The following ANKRD55 variants were observed in gnomAD, a reference collection of about 807,000 sequenced individuals.
ANKRD55 encodes the protein ankyrin repeat domain-containing protein 55.
A neutral mutation model predicts 60.6 loss-of-function variants in ANKRD55; 41 were observed. The ratio of observed to expected loss-of-function variants is 0.68; its 90% CI spans 0.53 to 0.88. The LOEUF (loss-of-function observed/expected upper bound fraction) is 0.88, where lower values mean the gene tolerates loss of function less well. Ranked by LOEUF, ANKRD55 falls within the 40% of genes least tolerant of loss-of-function variation. ANKRD55 has a pLI of 0.00. For missense variants in ANKRD55, 732 were observed against 767.6 expected (o/e 0.95, Z 0.55); for synonymous variants, 264 against 290.3 (o/e 0.91, Z 0.92).
intron 11 of ANKRD55, among the ~76,000 whole-genome samples, chr5:56,102,276 G>A (rs1397084268): frequency 3.3e-5 from 5 of 152,100 alleles, no homozygotes; most frequent in Non-Finnish European, 7.4e-5. Context: ...TGTAATCCCA[G>A]CTACTTGGGA....
At chr5:56,143,679 C>T (rs1757825211) in intron 7 of ANKRD55, 122 bp downstream of exon 7, 2 of 1,393,126 alleles carry the variant, frequency 1.4e-6, no homozygotes, top group South Asian at 2.6e-5. Flanking sequence ...TTCTTTTCAA[C>T]AAGTGGTGGA....
At chr5:56,159,781 C>T in intron 6 of ANKRD55, 52 bp downstream of exon 6, 1 of 1,580,232 alleles carries the variant, frequency 6.3e-7, no homozygotes, top group East Asian at 2.2e-5. Context: ...AACGCCCTTC[C>T]TTTCACCCTC....
At chr5:56,122,268 AAGACG>A (rs1757087051) in intron 8 of ANKRD55, among the ~76,000 whole-genome samples, 1 of 152,214 alleles carries the variant, frequency 6.6e-6, no homozygotes, top group Non-Finnish European at 1.5e-5. Flanking sequence ...AGGTGGCCTA[AAGACG>A]ATTAGCCCTG....
chr5:56,131,060 A>G (rs1269907968), intron 7 of ANKRD55, among the ~76,000 whole-genome samples: 3 of 152,244 alleles, frequency 2.0e-5, no homozygotes, highest in Non-Finnish European at 4.4e-5. Flanking sequence ...GGAACAGGAT[A>G]AATATTTGAA....
At chr5:56,184,692 G>A (rs931931542) in intron 2 of ANKRD55, among the ~76,000 whole-genome samples, 1 of 152,052 alleles carries the variant, frequency 6.6e-6, no homozygotes, top group African/African-American at 2.4e-5. Context: ...GAGCCCAGGA[G>A]TTCGAGATCA....
intron 2 of ANKRD55, chr5:56,192,469 G>A: frequency 4.5e-6 from 1 of 220,380 alleles, no homozygotes; most frequent in Non-Finnish European, 9.1e-6. Flanking sequence ...AAAGTCGCCG[G>A]TCCCATGTCG....
intron 5 of ANKRD55, 137 bp from the exon 6 acceptor site, chr5:56,160,030 C>G: frequency 1.5e-6 from 1 of 677,564 alleles, no homozygotes; most frequent in Middle Eastern, 2.5e-4. Context: ...TTCCGTTTCT[C>G]TGGGAAAAAG....
intron 2 of ANKRD55, chr5:56,192,875 AC>A (rs1301405101): frequency 4.6e-6 from 3 of 653,188 alleles, no homozygotes; most frequent in Non-Finnish European, 8.2e-6. Flanking sequence ...TGTCAAAGCT[AC>A]ATGGGCCCAG....
chr5:56,166,204 TCTCTC>T (rs1758479167), intron 5 of ANKRD55, among the ~76,000 whole-genome samples: 1 of 142,276 alleles, frequency 7.0e-6, no homozygotes, highest in Admixed American at 7.0e-5. Context: ...CTTCCTTCTC[TCTCTC>T]TCTCTCTCTT....
intron 5 of ANKRD55, among the ~76,000 whole-genome samples, chr5:56,163,391 C>T (rs1758378669): frequency 6.6e-6 from 1 of 152,146 alleles, no homozygotes; most frequent in African/African-American, 2.4e-5. Flanking sequence ...TGATTTGCAG[C>T]CCTCTGTTGT....
chr5:56,173,596 A>C (rs1408853103), intron 4 of ANKRD55, among the ~76,000 whole-genome samples: 2 of 136,696 alleles, frequency 1.5e-5, no homozygotes, highest in African/African-American at 5.5e-5. Context: ...ATATATATAT[A>C]TATATATATA....
At chr5:56,121,464 TG>T (rs1158998558) in intron 8 of ANKRD55, among the ~76,000 whole-genome samples, 1 of 147,090 alleles carries the variant, frequency 6.8e-6, no homozygotes, top group African/African-American at 2.5e-5. Flanking sequence ...CCTCCGCCCC[TG>T]GGGTTCAAGC....
At chr5:56,208,979 T>A (rs1581022963) in intron 2 of ANKRD55, among the ~76,000 whole-genome samples, 1 of 149,802 alleles carries the variant, frequency 6.7e-6, no homozygotes, top group Non-Finnish European at 1.5e-5. Flanking sequence ...TTTTTTTGAG[T>A]CAGAGTCTCG....
At chr5:56,182,912 G>T (rs946259087) in intron 3 of ANKRD55, among the ~76,000 whole-genome samples, 1 of 152,138 alleles carries the variant, frequency 6.6e-6, no homozygotes, top group African/African-American at 2.4e-5. Flanking sequence ...TTTCTTTCCT[G>T]GTCCTTTTGC....
Position 56,159,830 on chromosome 5 carries a change from C to T in ANKRD55, c.483+3G>A, listed in dbSNP as rs1305661485. On this transcript the variant is annotated splice_donor_region_variant and intron_variant, in intron 6 of 11. Coordinates refer to ENST00000341048, the MANE Select transcript of ANKRD55 (RefSeq NM_024669.3). ...CCACTTGTTGCTTGAGAGTGTGGCT[C>T]ACCTCATTGTCCTGGTGATTAATCT... The T allele has an allele frequency of 1.2e-6, 2 of 1,613,786 alleles. No homozygotes were observed. The highest frequency in any genetic ancestry group is 2.2e-5 in the East Asian group (1 of 44,860).
In ANKRD55 at chr5:56,106,420, C is replaced by CTTTTTTTTTTTTTTTTTTT. The variant is rs71602938; in HGVS notation, c.1631-3853_1631-3835dup. Reference sequence around the variant, plus strand: ...AATAAAATCCGTAAGGCTAGGAAAGCTTTTTTTTTTTTTTTTTTTTTTTGA... The same window carrying CTTTTTTTTTTTTTTTTTTT: ...AATAAAATCCGTAAGGCTAGGAAAGCTTTTTTTTTTTTTTTTTTTTTTTTTTTTTTTTTTTTTTTTTTGA... On this transcript the variant is annotated intron_variant, in intron 10 of 11. Coordinates refer to ENST00000341048, the MANE Select transcript of ANKRD55 (RefSeq NM_024669.3). Among the ~76,000 whole-genome samples, 127 of 96,892 alleles carry CTTTTTTTTTTTTTTTTTTT rather than the reference C, an allele frequency of 1.3e-3. 13 individuals carry two copies. The highest frequency in any genetic ancestry group is 5.1e-3 in the African/African-American group (88 of 17,126). The allele number at this position is 96,892 out of a possible 152,430, so 63.6% of individuals were successfully genotyped here. A position where few individuals can be genotyped will look rare whatever the true frequency, so the allele number is the denominator to read the frequency against.
chr5:56,139,272 A>G (rs1018377152), intron 7 of ANKRD55, among the ~76,000 whole-genome samples: 11 of 152,168 alleles, frequency 7.2e-5, no homozygotes, highest in Admixed American at 1.3e-4. Context: ...AGTGAATTCA[A>G]TGAACACCTC....
At chr5:56,223,760 A>G (rs947282497) in intron 2 of ANKRD55, among the ~76,000 whole-genome samples, 5 of 152,234 alleles carry the variant, frequency 3.3e-5, no homozygotes, top group African/African-American at 4.8e-5. Context: ...TTACATAATG[A>G]TAAAGGGATC....
chr5:56,118,473 A>G (rs1189991141), intron 8 of ANKRD55, among the ~76,000 whole-genome samples: 5 of 151,920 alleles, frequency 3.3e-5, no homozygotes. Flanking sequence ...ATAATACAAA[A>G]AATTAACCAG....
Sources: allele counts gnomAD v4.1 joint callset (sites outside exome capture counted in the v4.1 genomes callset), GRCh38; gene constraint gnomAD v4.1.1; transcripts MANE v1.5; gene names NCBI Gene and HGNC (gene_info 2026-07-23, HGNC 2026-07-21).